TESC: variants seen among roughly 807,000 people sequenced by gnomAD.
TESC encodes the protein calcineurin B homologous protein 3.
In TESC, 19 loss-of-function variants were observed where a neutral mutation model predicts 31.0. The observed-to-expected ratio is 0.61, with a 90% confidence interval of 0.43 to 0.90. TESC has a LOEUF of 0.90. Ranked by LOEUF, TESC falls within the 40% of genes least tolerant of loss-of-function variation. The pLI, the probability that TESC is intolerant of heterozygous loss-of-function variation, is 0.00. For synonymous variants in TESC, 109 were observed against 114.8 expected (o/e 0.95, Z 0.32); for missense variants, 248 against 303.8 (o/e 0.82, Z 1.36).
intron 1 of TESC, among the ~76,000 whole-genome samples, chr12:117,091,435 T>A (rs1308186430): frequency 2.0e-5 from 3 of 152,226 alleles, no homozygotes; most frequent in Non-Finnish European, 4.4e-5. Flanking sequence ...GAGAGTTGAT[T>A]AAATTTCCAC....
At chr12:117,093,345 G>A (rs7134123) in intron 1 of TESC, among the ~76,000 whole-genome samples, 31,036 of 152,258 alleles carry the variant, frequency 0.2, 3,515 homozygotes, top group African/African-American at 0.31. Flanking sequence ...CACCAGCCAC[G>A]CTTGGCTACG....
chr12:117,099,303 CG>C lies in TESC; in HGVS notation c.-22del. The C allele has an allele frequency of 7.0e-7, 1 of 1,419,920 alleles. No homozygotes were observed. Among genetic ancestry groups the C allele is most frequent in the South Asian group, 1.4e-5 (1 of 70,204 alleles). The allele number at this position is 1,419,920 out of a possible 1,614,324, so 88.0% of individuals were successfully genotyped here. A position where few individuals can be genotyped will look rare whatever the true frequency, so the allele number is the denominator to read the frequency against. On this transcript the variant is annotated 5_prime_UTR_variant, in exon 1 of 8. Coordinates refer to ENST00000335209, the MANE Select transcript of TESC (RefSeq NM_017899.4). ...CCCATGGTGCCCGCGGCGGGGGCCC[CG>C]GGGCGCGCGTCCCTCTCAGGCCCCG...
intron 7 of TESC, among the ~76,000 whole-genome samples, chr12:117,039,670 AG>A (rs1163016982): frequency 6.6e-6 from 1 of 152,204 alleles, no homozygotes; most frequent in Non-Finnish European, 1.5e-5. Context: ...TGCGGTCACA[AG>A]GCTTCGCTAG....
chr12:117,046,930 A>G (rs1424626261), intron 4 of TESC, 92 bp from the exon 5 acceptor site: 2 of 1,376,586 alleles, frequency 1.5e-6, no homozygotes, highest in African/African-American at 2.9e-5. Flanking sequence ...AAAAGACACC[A>G]ATAACCAAAC....
intron 1 of TESC, among the ~76,000 whole-genome samples, chr12:117,091,991 T>C (rs920946180): frequency 4.6e-5 from 7 of 152,160 alleles, no homozygotes; most frequent in African/African-American, 1.7e-4. Context: ...CAAATCCCAC[T>C]AGAAGGCCTG....
intron 1 of TESC, among the ~76,000 whole-genome samples, chr12:117,075,913 A>ATATATGTGTGTGTG (rs1265957613): frequency 2.5e-4 from 13 of 51,948 alleles, no homozygotes; most frequent in East Asian, 9.3e-4. Flanking sequence ...ATATATATAT[A>ATATATGTGTGTGTG]TGTGTGTGTG....
chr12:117,067,408 A>T (rs561257663), intron 2 of TESC, among the ~76,000 whole-genome samples: 83 of 151,820 alleles, frequency 5.5e-4, no homozygotes, highest in African/African-American at 8.5e-4. Flanking sequence ...CTACAAAAAA[A>T]TTTTTTTTTA....
intron 3 of TESC, 36 bp from the exon 4 acceptor site, chr12:117,049,194 G>A: frequency 6.2e-7 from 1 of 1,613,530 alleles, no homozygotes; most frequent in East Asian, 2.2e-5. Flanking sequence ...GGAAATAAAT[G>A]AAGAACTGGA....
At position 117,056,740 on chromosome 12, in the gene TESC, G is replaced by A. The variant is rs968693815; in HGVS notation, c.209+66C>T. 1.4e-5 allele frequency: 21 copies of A among 1,526,210 alleles called. No individual in the cohort carries two copies. The African/African-American group carries it at 2.6e-4, about 19-fold the overall frequency. The allele number at this position is 1,526,210 out of a possible 1,614,324, so 94.5% of individuals were successfully genotyped here. A position where few individuals can be genotyped will look rare whatever the true frequency, so the allele number is the denominator to read the frequency against. ...CTCAAAGGGTCATTCTAGGAAACAA[G>A]TATCCCGAGATGTTACACAAGACAA... On this transcript the variant is annotated intron_variant, in intron 3 of 7. Coordinates refer to ENST00000335209, the MANE Select transcript of TESC (RefSeq NM_017899.4).
intron 2 of TESC, among the ~76,000 whole-genome samples, chr12:117,068,921 G>T (rs1337357452): frequency 6.6e-6 from 1 of 152,072 alleles, no homozygotes; most frequent in Non-Finnish European, 1.5e-5. Context: ...CCCAAAAAGA[G>T]AAAGAAAAAG....
intron 3 of TESC, among the ~76,000 whole-genome samples, chr12:117,054,283 C>G (rs542434822): frequency 6.6e-6 from 1 of 152,196 alleles, no homozygotes; most frequent in South Asian, 2.1e-4. Flanking sequence ...TCACAGCACC[C>G]TCTGCAAAGT....
intron 1 of TESC, among the ~76,000 whole-genome samples, chr12:117,084,364 AG>A (rs996800142): frequency 1.3e-5 from 2 of 152,228 alleles, no homozygotes; most frequent in African/African-American, 4.8e-5. Flanking sequence ...CATGAACTGG[AG>A]TCCCACCCTG....
chr12:117,061,459 AG>A (rs1954799994), intron 2 of TESC, among the ~76,000 whole-genome samples: 1 of 151,928 alleles, frequency 6.6e-6, no homozygotes, highest in South Asian at 2.1e-4. Context: ...GAGGTGGGGG[AG>A]AAACCACCTA....
intron 3 of TESC, among the ~76,000 whole-genome samples, chr12:117,049,543 G>A (rs1954616714): frequency 6.6e-6 from 1 of 152,222 alleles, no homozygotes; most frequent in African/African-American, 2.4e-5. Context: ...TAGCTCAGGG[G>A]TTGGCAAACA....
At chr12:117,051,104 G>A (rs1348786514) in intron 3 of TESC, among the ~76,000 whole-genome samples, 2 of 152,192 alleles carry the variant, frequency 1.3e-5, no homozygotes, top group Non-Finnish European at 2.9e-5. Flanking sequence ...CCTTCGGAAG[G>A]GGCAGTGCCT....
chr12:117,096,580 T>C (rs1398856946), intron 1 of TESC, among the ~76,000 whole-genome samples: 2 of 111,436 alleles, frequency 1.8e-5, no homozygotes, highest in East Asian at 4.4e-4. Flanking sequence ...GTTTAAAGCA[T>C]GGTCAATAAC....
chr12:117,046,479 G>A (rs1954560562), intron 6 of TESC, 80 bp downstream of exon 6: 3 of 1,380,550 alleles, frequency 2.2e-6, no homozygotes, highest in Admixed American at 2.2e-5. Flanking sequence ...CCTGGCCCCT[G>A]CCCCATGAGG....
rs142833778 is a variant in TESC at position 117,092,291 on chromosome 12, A to G, written c.58+6934T>C. ...GGCTCCAGCACCGAGCTCAGTGCAC[A>G]TGGAACGCCATCCTCCAGGGTCCCG... is the stretch of plus-strand genomic sequence containing the variant. On this transcript the variant is annotated intron_variant, in intron 1 of 7. Coordinates refer to ENST00000335209, the MANE Select transcript of TESC (RefSeq NM_017899.4). 8.0e-4 allele frequency among the ~76,000 whole-genome samples: 122 copies of G among 152,304 alleles called. 1 individual carries two copies. Among genetic ancestry groups the G allele is most frequent in the African/African-American group, 2.8e-3 (116 of 41,572 alleles).
intron 3 of TESC, among the ~76,000 whole-genome samples, chr12:117,054,378 C>T (rs57066310): frequency 0.05 from 7,533 of 152,110 alleles, 373 homozygotes; most frequent in South Asian, 0.16. Flanking sequence ...ACCCCTGCTG[C>T]TGCTGGTCCA....
Sources: allele counts gnomAD v4.1 joint callset (sites outside exome capture counted in the v4.1 genomes callset), GRCh38; gene constraint gnomAD v4.1.1; transcripts MANE v1.5; gene names NCBI Gene and HGNC (gene_info 2026-07-23, HGNC 2026-07-21).